The following ATP6V0A4 variants were observed in gnomAD, a reference collection of about 807,000 sequenced individuals.
ATP6V0A4 encodes ATPase H+ transporting V0 subunit a4.
ATP6V0A4 carries 86 observed loss-of-function variants against 107.3 expected under a neutral mutation model. The ratio of observed to expected loss-of-function variants is 0.80; its 90% CI spans 0.67 to 0.96. The LOEUF is 0.96. Among genes scored for constraint, ATP6V0A4 ranks in the 40% least tolerant of loss-of-function variants. ATP6V0A4 has a pLI of 0.00. For synonymous variants in ATP6V0A4, 353 were observed against 381.4 expected (o/e 0.93, Z 0.87); for missense variants, 908 against 1,045.6 (o/e 0.87, Z 1.81).
chr7:138,775,626 A>T (rs1184333199), intron 2 of ATP6V0A4, among the ~76,000 whole-genome samples: 1 of 145,224 alleles, frequency 6.9e-6, no homozygotes, highest in Non-Finnish European at 1.5e-5. Flanking sequence ...ACAGGTGTGC[A>T]TCACTATGAT....
chr7:138,735,162 G>A (rs962502193), intron 15 of ATP6V0A4, among the ~76,000 whole-genome samples: 1 of 152,054 alleles, frequency 6.6e-6, no homozygotes, highest in African/African-American at 2.4e-5. Context: ...CTGGTGGGTG[G>A]AGGGGTTAGT....
intron 16 of ATP6V0A4, among the ~76,000 whole-genome samples, chr7:138,733,612 T>C: frequency 7.0e-6 from 1 of 142,150 alleles, no homozygotes; most frequent in African/African-American, 2.6e-5. Flanking sequence ...GGAGTCTTAC[T>C]CTGTCACCCA....
intron 16 of ATP6V0A4, 35 bp downstream of exon 16, chr7:138,734,101 G>A: frequency 6.3e-7 from 1 of 1,580,908 alleles, no homozygotes; most frequent in East Asian, 2.2e-5. Context: ...AGTGTGATCA[G>A]ACAGAGCAGG....
intron 19 of ATP6V0A4, among the ~76,000 whole-genome samples, chr7:138,721,481 G>A (rs531269492): frequency 1.8e-4 from 28 of 152,246 alleles, no homozygotes; most frequent in African/African-American, 5.8e-4. Context: ...GGAGGTTGCA[G>A]TGAGCCGAAA....
intron 21 of ATP6V0A4, 92 bp downstream of exon 21, chr7:138,709,532 T>A (rs1359192470): frequency 6.4e-6 from 8 of 1,243,366 alleles, no homozygotes; most frequent in Non-Finnish European, 8.3e-6. Flanking sequence ...TAAAGTCACA[T>A]ACAGCTCACG....
At chr7:138,791,131 T>G (rs1264915213) in intron 1 of ATP6V0A4, among the ~76,000 whole-genome samples, 1 of 151,588 alleles carries the variant, frequency 6.6e-6, no homozygotes, top group African/African-American at 2.4e-5. Flanking sequence ...CAGGACTGAA[T>G]AGTTTGGCAG....
chr7:138,760,013 T>C, intron 7 of ATP6V0A4, 135 bp from the exon 8 acceptor site: 1 of 1,508,492 alleles, frequency 6.6e-7, no homozygotes, highest in Non-Finnish European at 9.0e-7. Flanking sequence ...CCGACACAGC[T>C]CTACCGACAT....
rs1028399448 is a variant in ATP6V0A4 at position 138,759,923 on chromosome 7, G to A, written c.513-45C>T. The A allele has an allele frequency of 6.8e-6, 11 of 1,613,282 alleles. No individual in the cohort carries two copies. The Admixed American group carries it at 1.7e-4, about 24-fold the overall frequency. On this transcript the variant is annotated intron_variant, in intron 7 of 21. Coordinates refer to ENST00000310018, the MANE Select transcript of ATP6V0A4 (RefSeq NM_020632.3). ...GACATTCCTTAAGGCACAGGGATTGGGATGCAGAGAGAAGGCCCTGTAGGA... is the reference window on the plus strand; with the variant it reads ...GACATTCCTTAAGGCACAGGGATTGAGATGCAGAGAGAAGGCCCTGTAGGA...
chr7:138,729,687 G>C (rs1052874358), intron 17 of ATP6V0A4, among the ~76,000 whole-genome samples: 2 of 152,236 alleles, frequency 1.3e-5, no homozygotes, highest in Admixed American at 1.3e-4. Flanking sequence ...GCCTCGGAAG[G>C]CTCGGTCAGG....
intron 15 of ATP6V0A4, 68 bp downstream of exon 15, chr7:138,739,472 T>C: frequency 6.4e-7 from 1 of 1,574,144 alleles, no homozygotes; most frequent in Non-Finnish European, 8.7e-7. Context: ...TGGCCTTTTC[T>C]TCTCTCTCCA....
chr7:138,779,295 C>A (rs1468025370), intron 2 of ATP6V0A4, among the ~76,000 whole-genome samples: 3 of 151,558 alleles, frequency 2.0e-5, no homozygotes, highest in Admixed American at 1.3e-4. Context: ...CTGCAGTGAG[C>A]CATGATCATG....
At chr7:138,744,238 CTTTT>C (rs71169054) in intron 14 of ATP6V0A4, among the ~76,000 whole-genome samples, 1 of 128,800 alleles carries the variant, frequency 7.8e-6, no homozygotes. Flanking sequence ...TCCTCATCTG[CTTTT>C]TTTTTTTTTT....
At chr7:138,730,231 C>A (rs1413349597) in intron 17 of ATP6V0A4, among the ~76,000 whole-genome samples, 1 of 152,092 alleles carries the variant, frequency 6.6e-6, no homozygotes, top group Non-Finnish European at 1.5e-5. Context: ...CCATGTGAAC[C>A]CAAGCTGAAC....
Position 138,745,119 on chromosome 7 carries a change from T to A in ATP6V0A4, c.1478+4A>T. 1 of 1,611,808 alleles carries A rather than the reference T, an allele frequency of 6.2e-7. No individual in the cohort carries two copies. Among genetic ancestry groups the A allele is most frequent in the Non-Finnish European group, 8.5e-7 (1 of 1,177,854 alleles). On this transcript the variant is annotated splice_donor_region_variant and intron_variant, in intron 14 of 21. Transcript: ENST00000310018. ...GACTACACCATCTCTGTCTGTCAAC[T>A]CACTTCCATGTGCCGTTTCTGAACA...
chr7:138,794,190 C>T (rs1449755094), intron 1 of ATP6V0A4, among the ~76,000 whole-genome samples: 2 of 152,112 alleles, frequency 1.3e-5, no homozygotes, highest in Non-Finnish European at 2.9e-5. Flanking sequence ...CCTGACAGAG[C>T]CAGGAGCAAG....
chr7:138,734,275 A>G (rs751899624), intron 15 of ATP6V0A4, 21 bp from the exon 16 acceptor site: 2 of 1,612,474 alleles, frequency 1.2e-6, no homozygotes, highest in Non-Finnish European at 1.7e-6. Flanking sequence ...AATGGGACAA[A>G]AAACCAAGTG....
chr7:138,726,259 G>A (rs1389901927), intron 18 of ATP6V0A4, among the ~76,000 whole-genome samples: 1 of 152,248 alleles, frequency 6.6e-6, no homozygotes, highest in African/African-American at 2.4e-5. Context: ...AAAGTGCTGG[G>A]ATTACAGGCG....
intron 11 of ATP6V0A4, among the ~76,000 whole-genome samples, chr7:138,750,319 T>C (rs1487139915): frequency 6.6e-6 from 1 of 152,028 alleles, no homozygotes; most frequent in East Asian, 1.9e-4. Context: ...AACATGATCA[T>C]AGCTCACTAC....
rs113848354 is a variant in ATP6V0A4, at chr7:138,770,884, G to A, written c.117+247C>T. Among the ~76,000 whole-genome samples the A allele has an allele frequency of 0.012, 1,839 of 152,276 alleles. 39 individuals are homozygous for A. Among genetic ancestry groups the A allele is most frequent in the African/African-American group, 0.042 (1,732 of 41,540 alleles). On this transcript the variant is annotated intron_variant, in intron 3 of 21. Coordinates refer to ENST00000310018, the MANE Select transcript of ATP6V0A4 (RefSeq NM_020632.3). ...CAATGACATCTAATGAGTAGTGATT[G>A]CATTAGAGCTTCAAGACATTCCTAT...
Sources: gnomAD v4.1 joint callset for allele counts (sites outside exome capture counted in the v4.1 genomes callset) on GRCh38, gnomAD v4.1.1 for gene constraint, MANE v1.5 for transcripts, NCBI Gene and HGNC (gene_info 2026-07-23, HGNC 2026-07-21) for gene names.